The following PTRH1 variants were observed in gnomAD, a reference collection of about 807,000 sequenced individuals.
PTRH1 encodes the protein peptidyl-tRNA hydrolase 1 homolog, also known as peptidyl-tRNA hydrolase.
Under a neutral mutation model 15.7 loss-of-function variants are expected in PTRH1, and 13 were observed. That is an observed-to-expected ratio of 0.83 (90% CI 0.54 to 1.31). PTRH1 has a LOEUF of 1.31. PTRH1 is among the 40% of genes most tolerant of loss of function. PTRH1 has a pLI of 0.00. For synonymous variants in PTRH1, 139 were observed against 136.7 expected (o/e 1.02, Z -0.12); for missense variants, 319 against 296.2 (o/e 1.08, Z -0.56).
At chr9:127,709,390 ACC>A, downstream of PTRH1, 2 of 1,603,394 alleles carry the variant, frequency 1.2e-6, no homozygotes, top group Non-Finnish European at 1.7e-6. This position sits in a 1 kb window ranked among gnomAD's most constrained non-coding sequence, Gnocchi z 4.7. Context: ...GCCCAGCCTG[ACC>A]CCTGGACCAC....
chr9:127,696,344 A>C (rs1361522342), intron 1 of PTRH1, among the ~76,000 whole-genome samples: 1 of 152,146 alleles, frequency 6.6e-6, no homozygotes, highest in East Asian at 1.9e-4. Flanking sequence ...TAAATAAATA[A>C]TATATGGCAC....
rs141693612 is a variant in PTRH1, at chr9:127,715,617, C to T, written c.23G>A (p.Gly8Asp). 2.5e-6 allele frequency: 4 copies of T among 1,612,766 alleles called. No homozygotes were observed. The highest frequency in any genetic ancestry group is 2.5e-6 in the Non-Finnish European group (3 of 1,179,976). The change falls in exon 1 of 5, where the codon GGC (glycine) becomes GAC (aspartate). Residue 8 changes from glycine to aspartate, a missense_variant. Physicochemically the swap from Gly to Asp is moderately conservative, Grantham distance 94. Coordinates refer to ENST00000543175, the MANE Select transcript of PTRH1 (RefSeq NM_001002913.3). This position sits in a 1 kb window ranked among gnomAD's most constrained non-coding sequence, Gnocchi z 5.8. MRPGGFL[G>D]AGQRLSRAMS... ...GGCTCTACTCAGCCGCTGTCCGGCG[C>T]CCAAAAAGCCGCCCGGCCTCATGCT...
intron 1 of PTRH1, among the ~76,000 whole-genome samples, chr9:127,707,928 C>A (rs529981553): frequency 1.2e-4 from 19 of 152,284 alleles, no homozygotes; most frequent in Middle Eastern, 3.4e-3. Flanking sequence ...CTCGTGGTGC[C>A]AGGCAGGCCA....
rs767993669 is a variant in PTRH1 at position 127,714,119 on chromosome 9, C to T, written c.626G>A (p.Gly209Glu). Residue 209 changes from glycine to glutamate, a missense_variant, in exon 5 of 5, where the codon GGG becomes GAG. Gly to Glu is a moderately conservative substitution (Grantham distance 98). Transcript: ENST00000543175. ...CTAGTGTCACGGCCCCAGTGAGGGC[C>T]CCTGGCTTCGCTCACGGATGTGGTC... ...ILDHIRERSQGPSLGP is the reference protein window; with the variant it reads ...ILDHIRERSQEPSLGP 23 of 1,613,140 alleles carry T rather than the reference C, an allele frequency of 1.4e-5. No individual in the cohort carries two copies. The highest frequency in any genetic ancestry group is 1.1e-4 in the African/African-American group (8 of 74,922).
chr9:127,701,665 C>A lies in PTRH1; in HGVS notation c.206-6524G>T, dbSNP rs532311755. Among the ~76,000 whole-genome samples the A allele has an allele frequency of 9.2e-5, 14 of 152,336 alleles. No homozygotes were observed. The South Asian group carries it at 2.9e-3, about 32-fold the overall frequency. On this transcript the variant is annotated intron_variant, in intron 1 of 2. Coordinates refer to the PTRH1 transcript ENST00000335223. ...CGGTGGCTCACGCCTGTAATCCCAG[C>A]ACTTTGGGAGGCCAAGGTGGGCGGA...
chr9:127,712,467 C>G, downstream of PTRH1: 7 of 1,469,290 alleles, frequency 4.8e-6, no homozygotes, highest in Non-Finnish European at 5.5e-6. Flanking sequence ...CTGAGAGACT[C>G]CTGGAAAGTC....
At chr9:127,707,082 GAAGA>G (rs1185639397) in intron 1 of PTRH1, 6 of 1,613,858 alleles carry the variant, frequency 3.7e-6, no homozygotes, top group Non-Finnish European at 4.2e-6. Flanking sequence ...TTGAAGTCAA[GAAGA>G]AAGGGGGCAA....
downstream of PTRH1, chr9:127,712,069 G>A (rs1842778546): frequency 1.5e-5 from 23 of 1,503,752 alleles, no homozygotes; most frequent in Non-Finnish European, 2.0e-5. Context: ...GAGCCTGCCA[G>A]ACAGGCTGAG....
downstream of PTRH1, chr9:127,711,852 G>A (rs1382369714): frequency 2.5e-6 from 4 of 1,577,668 alleles, no homozygotes; most frequent in Non-Finnish European, 3.4e-6. Flanking sequence ...AGTGCCAGGA[G>A]CAGCAGCAGG....
downstream of PTRH1, chr9:127,709,349 AGT>A (rs1842711271): frequency 6.7e-7 from 1 of 1,497,250 alleles, no homozygotes; most frequent in Non-Finnish European, 9.1e-7. This position sits in a 1 kb window ranked among gnomAD's most constrained non-coding sequence, Gnocchi z 4.7. Flanking sequence ...AGTCCAGGAG[AGT>A]GGGCCCAGCT....
At chr9:127,710,298 A>AC (rs1312806246), downstream of PTRH1, among the ~76,000 whole-genome samples, 3 of 151,956 alleles carry the variant, frequency 2.0e-5, no homozygotes, top group Non-Finnish European at 4.4e-5. Flanking sequence ...AAAAAAAAAA[A>AC]ACAAAACAGT....
downstream of PTRH1, chr9:127,709,691 T>C (rs1286037623): frequency 6.2e-7 from 1 of 1,612,422 alleles, no homozygotes; most frequent in Non-Finnish European, 8.5e-7. This position sits in a 1 kb window ranked among gnomAD's most constrained non-coding sequence, Gnocchi z 4.7. Context: ...AACATCATCC[T>C]TGGTGAGGAG....
chr9:127,708,869 C>T (rs1285716486), downstream of PTRH1, among the ~76,000 whole-genome samples: 2 of 152,198 alleles, frequency 1.3e-5, no homozygotes, highest in African/African-American at 4.8e-5. Context: ...ATGCCAGGTA[C>T]AAAGACTTGG....
At chr9:127,695,366 T>G in intron 1 of PTRH1, 1 of 509,128 alleles carries the variant, frequency 2.0e-6, no homozygotes, top group Non-Finnish European at 3.4e-6. Flanking sequence ...TATATAAAGC[T>G]TCAATGTTGC....
downstream of PTRH1, among the ~76,000 whole-genome samples, chr9:127,710,297 A>C (rs1372093339): frequency 6.6e-6 from 1 of 151,420 alleles, no homozygotes; most frequent in East Asian, 1.9e-4. Context: ...AAAAAAAAAA[A>C]AACAAAACAG....
chr9:127,697,349 G>T (rs1351438616), intron 1 of PTRH1, among the ~76,000 whole-genome samples: 1 of 152,154 alleles, frequency 6.6e-6, no homozygotes, highest in Non-Finnish European at 1.5e-5. Context: ...CCAGCTGTTG[G>T]CAAGAAGTTT....
At chr9:127,713,075 A>C, downstream of PTRH1, 1 of 1,613,876 alleles carries the variant, frequency 6.2e-7, no homozygotes, top group Admixed American at 1.7e-5. Flanking sequence ...GCTCTCTGAC[A>C]TCACCCCCTA....
intron 1 of PTRH1, among the ~76,000 whole-genome samples, chr9:127,703,443 A>AAG (rs758847128): frequency 8.6e-5 from 13 of 151,688 alleles, no homozygotes; most frequent in Admixed American, 2.0e-4. Context: ...AAGAGAAAGA[A>AAG]AGAGAGAGAG....
intron 1 of PTRH1, chr9:127,707,196 C>T (rs773825118): frequency 9.3e-6 from 15 of 1,608,848 alleles, no homozygotes; most frequent in East Asian, 2.2e-5. Context: ...TAGCCCGGTG[C>T]GTGGGCTGGC....
Sources: gnomAD v4.1 joint callset for allele counts (sites outside exome capture counted in the v4.1 genomes callset) on GRCh38, gnomAD v4.1.1 for gene constraint, Gnocchi (gnomAD v3.1) non-coding constraint, MANE v1.5 for transcripts, NCBI Gene and HGNC (gene_info 2026-07-23, HGNC 2026-07-21) for gene names.